The following TRIM33 variants were observed in gnomAD, a reference collection of about 807,000 sequenced individuals.
TRIM33 encodes the protein tripartite motif containing 33, also known as E3 ubiquitin-protein ligase TRIM33.
A neutral mutation model predicts 125.4 loss-of-function variants in TRIM33; 20 were observed. The ratio of observed to expected loss-of-function variants is 0.16; its 90% CI spans 0.11 to 0.23. The LOEUF is 0.23. TRIM33 is among the 10% of genes least tolerant of loss of function. TRIM33 has a pLI of 1.00. For missense variants in TRIM33, 920 were observed against 1,411.4 expected, an observed-to-expected ratio of 0.65 and a Z score of 5.58; for synonymous variants, 564 against 513.9, an observed-to-expected ratio of 1.10 and a Z score of -1.32.
intron 18 of TRIM33, 21 bp downstream of exon 18, chr1:114,399,436 A>C (rs564934390): frequency 2.5e-6 from 4 of 1,606,832 alleles, no homozygotes; most frequent in Non-Finnish European, 3.4e-6. Flanking sequence ...TCAAGACTCT[A>C]TAGGTTGGAA....
intron 12 of TRIM33, 78 bp downstream of exon 12, chr1:114,410,106 G>A: frequency 6.6e-7 from 1 of 1,526,436 alleles, no homozygotes; most frequent in South Asian, 1.1e-5. Flanking sequence ...CTGTTTTTCT[G>A]GAGAATTCTG....
chr1:114,406,361 T>G (rs1652244357), intron 14 of TRIM33, among the ~76,000 whole-genome samples: 1 of 152,110 alleles, frequency 6.6e-6, no homozygotes, highest in Admixed American at 6.6e-5. Context: ...GCCAACCATA[T>G]AAAAAAGGAA....
chr1:114,464,429 A>G, intron 1 of TRIM33, 41 bp from the exon 2 acceptor site: 1 of 1,213,882 alleles, frequency 8.2e-7, no homozygotes, highest in Non-Finnish European at 1.2e-6. Context: ...ATTCTTCAGG[A>G]ATAAAGAAAT....
chr1:114,498,547 G>C (rs570678996), intron 1 of TRIM33, among the ~76,000 whole-genome samples: 5 of 152,170 alleles, frequency 3.3e-5, no homozygotes, highest in Non-Finnish European at 5.9e-5. Context: ...TCCTCAGCAG[G>C]CTGAGGTAGA....
intron 4 of TRIM33, among the ~76,000 whole-genome samples, chr1:114,443,860 C>T (rs1156925236): frequency 6.6e-6 from 1 of 151,204 alleles, no homozygotes; most frequent in Non-Finnish European, 1.5e-5. Flanking sequence ...CAGTGAGACC[C>T]TGTTTCTTAA....
intron 1 of TRIM33, among the ~76,000 whole-genome samples, chr1:114,502,800 T>C (rs1462500668): frequency 6.6e-6 from 1 of 152,172 alleles, no homozygotes; most frequent in Non-Finnish European, 1.5e-5. Context: ...AGCCACCATG[T>C]CCGGCACGAC....
chr1:114,464,343 A>G lies in TRIM33; in HGVS notation c.572T>C (p.Ile191Thr). 1 of 1,611,516 alleles carries G rather than the reference A, an allele frequency of 6.2e-7. No homozygotes were observed. The highest frequency in any genetic ancestry group is 8.5e-7 in the Non-Finnish European group (1 of 1,179,002). ...CACAAAATAATTATCCACAAGGTCTATCTGTCTGCATTCTTGGCGGCATAC... is the reference window on the plus strand; with the variant it reads ...CACAAAATAATTATCCACAAGGTCTGTCTGTCTGCATTCTTGGCGGCATAC... ...CPVCRQECRQ[I>T]DLVDNYFVKD... The change falls in exon 2 of 20, where the codon ATA (isoleucine) becomes ACA (threonine). Residue 191 changes from isoleucine (I) to threonine (T), a missense_variant. By Grantham distance (89) the Ile-to-Thr change is moderately conservative. This residue lies in a region of TRIM33 where 75 missense variants were observed against 123.9 expected (regional missense o/e 0.61). Transcript: ENST00000358465.
At position 114,511,020 on chromosome 1, in the gene TRIM33, G is replaced by C; in HGVS notation, c.57C>G (p.Ser19Arg). ...EAESGGGGSG[S>R]APVTAGAAGP... ...CGGCGGCCCCGGCAGTTACCGGCGCGCTGCCGCTGCCCCCGCCGCCGCTCT... is the reference window on the plus strand; with the variant it reads ...CGGCGGCCCCGGCAGTTACCGGCGCCCTGCCGCTGCCCCCGCCGCCGCTCT... The change falls in exon 1 of 20, where the codon AGC becomes AGG. Residue 19 changes from serine to arginine, a missense_variant. Ser to Arg is a moderately radical substitution (Grantham distance 110). Coordinates refer to ENST00000358465, the MANE Select transcript of TRIM33 (RefSeq NM_015906.4). 7.6e-7 allele frequency: 1 copy of C among 1,319,902 alleles called. No homozygotes were observed. Among genetic ancestry groups the C allele is most frequent in the Non-Finnish European group, 9.7e-7 (1 of 1,035,224 alleles). 81.8% of individuals were successfully genotyped at this position (1,319,902 alleles called of 1,614,324 possible). A position where few individuals can be genotyped will look rare whatever the true frequency, so the allele number is the denominator to read the frequency against.
At chr1:114,495,680 A>C (rs369806033) in intron 1 of TRIM33, among the ~76,000 whole-genome samples, 2 of 152,220 alleles carry the variant, frequency 1.3e-5, no homozygotes, top group South Asian at 4.1e-4. Flanking sequence ...AAATTGAGGA[A>C]GGAAAACAGA....
intron 4 of TRIM33, among the ~76,000 whole-genome samples, chr1:114,455,494 T>C (rs539573952): frequency 6.6e-6 from 1 of 152,192 alleles, no homozygotes; most frequent in Non-Finnish European, 1.5e-5. Flanking sequence ...ATCAGAAGTA[T>C]TGTCTAAGCT....
At chr1:114,442,585 G>A (rs1411192087) in intron 4 of TRIM33, among the ~76,000 whole-genome samples, 1 of 151,418 alleles carries the variant, frequency 6.6e-6, no homozygotes, top group Admixed American at 6.6e-5. Flanking sequence ...CTACTTGGGA[G>A]GCTGAGGCAG....
At chr1:114,492,961 G>T (rs1166603219) in intron 1 of TRIM33, among the ~76,000 whole-genome samples, 2 of 152,138 alleles carry the variant, frequency 1.3e-5, no homozygotes, top group African/African-American at 4.8e-5. Flanking sequence ...CTAATTTTAT[G>T]TTTAACTTTC....
intron 1 of TRIM33, among the ~76,000 whole-genome samples, chr1:114,500,687 G>C (rs1287628800): frequency 2.7e-5 from 4 of 150,632 alleles, no homozygotes; most frequent in African/African-American, 9.8e-5. Flanking sequence ...AGAGAGGGCA[G>C]TGAAATTACC....
intron 4 of TRIM33, among the ~76,000 whole-genome samples, chr1:114,459,393 CAG>C (rs1649816923): frequency 6.6e-6 from 1 of 152,328 alleles, no homozygotes; most frequent in Admixed American, 6.5e-5. Context: ...GCATCCACCA[CAG>C]AGTGTTGTGG....
chr1:114,468,675 C>G (rs1006345354), intron 1 of TRIM33: 1 of 440,888 alleles, frequency 2.3e-6, no homozygotes, highest in Non-Finnish European at 4.6e-6. Flanking sequence ...TAATATTATG[C>G]TTGGCAATAA....
intron 4 of TRIM33, among the ~76,000 whole-genome samples, chr1:114,454,270 G>T (rs1442108015): frequency 6.6e-6 from 1 of 152,126 alleles, no homozygotes; most frequent in Non-Finnish European, 1.5e-5. Context: ...CCCAGTCATG[G>T]TATGGTTGTA....
At position 114,472,345 on chromosome 1, in the gene TRIM33, C is replaced by G. The variant is rs191021546; in HGVS notation, c.527-7957G>C. Among the ~76,000 whole-genome samples the G allele has an allele frequency of 8.3e-4, 127 of 152,204 alleles. 1 individual carries two copies. The highest frequency in any genetic ancestry group is 2.7e-3 in the African/African-American group (114 of 41,536). On this transcript the variant is annotated intron_variant, in intron 1 of 19. Transcript: ENST00000358465. Reference sequence around the variant, plus strand: ...TTAAGGAACAATACTGTGATTCAAGCAGAAAATTTTTCAAGTGGAATTTTT... The same window carrying G: ...TTAAGGAACAATACTGTGATTCAAGGAGAAAATTTTTCAAGTGGAATTTTT...
At chr1:114,495,173 C>A (rs1157067013) in intron 1 of TRIM33, among the ~76,000 whole-genome samples, 2 of 152,088 alleles carry the variant, frequency 1.3e-5, no homozygotes, top group Admixed American at 1.3e-4. Context: ...TCTCGGCCGC[C>A]CAAAGTGCTG....
chr1:114,423,652 G>A (rs182845480), intron 10 of TRIM33, among the ~76,000 whole-genome samples: 36 of 151,202 alleles, frequency 2.4e-4, no homozygotes, highest in Admixed American at 2.1e-3. Flanking sequence ...CTCCTGCCTC[G>A]GCCTCCCAAA....
Sources: allele counts gnomAD v4.1 joint callset (sites outside exome capture counted in the v4.1 genomes callset), GRCh38; gene constraint gnomAD v4.1.1; regional missense constraint gnomAD v4.1.1; transcripts MANE v1.5; gene names NCBI Gene and HGNC (gene_info 2026-07-23, HGNC 2026-07-21).